ZNF385D: variants seen among roughly 807,000 people sequenced by gnomAD.
ZNF385D encodes zinc finger protein 385D.
ZNF385D carries 15 observed loss-of-function variants against 35.8 expected under a neutral mutation model. That is an observed-to-expected ratio of 0.42 (90% CI 0.28 to 0.64). ZNF385D has a LOEUF of 0.64. ZNF385D is among the 30% of genes least tolerant of loss of function. ZNF385D has a pLI of 0.23. For synonymous variants in ZNF385D, 212 were observed against 186.8 expected (o/e 1.13, Z -1.10); for missense variants, 474 against 494.6 (o/e 0.96, Z 0.39).
chr3:21,899,102 T>G (rs1361271311), intron 3 of ZNF385D, among the ~76,000 whole-genome samples: 1 of 152,096 alleles, frequency 6.6e-6, no homozygotes, highest in Non-Finnish European at 1.5e-5. Flanking sequence ...TTTCAATGCC[T>G]GGAGATATTC....
intron 3 of ZNF385D, among the ~76,000 whole-genome samples, chr3:22,004,699 C>T (rs553203146): frequency 9.9e-5 from 15 of 152,262 alleles, no homozygotes; most frequent in African/African-American, 3.4e-4. Context: ...AGTCATCCTT[C>T]TGCTCACTGA....
At chr3:22,347,537 T>G (rs761840175) in intron 2 of ZNF385D, among the ~76,000 whole-genome samples, 1 of 152,124 alleles carries the variant, frequency 6.6e-6, no homozygotes, top group Non-Finnish European at 1.5e-5. Context: ...CAATCAGACA[T>G]GTCAATAGAA....
At chr3:22,070,469 G>T (rs567678368) in intron 3 of ZNF385D, among the ~76,000 whole-genome samples, 8 of 152,104 alleles carry the variant, frequency 5.3e-5, no homozygotes, top group Non-Finnish European at 1.5e-5. Context: ...TTATAAGAGA[G>T]AGTTGAGTAC....
At chr3:22,258,222 G>C (rs1412887988) in intron 2 of ZNF385D, among the ~76,000 whole-genome samples, 1 of 151,722 alleles carries the variant, frequency 6.6e-6, no homozygotes, top group African/African-American at 2.4e-5. Context: ...GCAAGGACTG[G>C]AGTCTAATAC....
At chr3:21,693,795 C>G (rs1168921224) in intron 1 of ZNF385D, among the ~76,000 whole-genome samples, 1 of 151,248 alleles carries the variant, frequency 6.6e-6, no homozygotes, top group Non-Finnish European at 1.5e-5. Flanking sequence ...AATGATGTAT[C>G]ATTTAGCCAG....
intron 3 of ZNF385D, among the ~76,000 whole-genome samples, chr3:21,820,896 G>C (rs185327469): frequency 6.8e-6 from 1 of 147,930 alleles, no homozygotes; most frequent in East Asian, 2.0e-4. Context: ...AGTAAAGTTA[G>C]TTTTGTGATT....
At chr3:22,204,530 C>G (rs1697018606) in intron 2 of ZNF385D, among the ~76,000 whole-genome samples, 1 of 151,900 alleles carries the variant, frequency 6.6e-6, no homozygotes, top group Non-Finnish European at 1.5e-5. Flanking sequence ...CACAAGGGAC[C>G]AATCCCAGAG....
Position 22,287,799 on chromosome 3 carries a change from T to C in ZNF385D, c.106+84651A>G, listed in dbSNP as rs141780447. ...AAGGTTAACTTACACATTGCCATTA[T>C]AGTATTAGAATGTTTTAAATCTAAA... On this transcript the variant is annotated intron_variant, in intron 2 of 5. Coordinates refer to the ZNF385D transcript ENST00000494108. Among the ~76,000 whole-genome samples, 615 of 152,216 alleles carry C rather than the reference T, an allele frequency of 4.0e-3. 9 individuals carry two copies. The South Asian group carries it at 0.049, about 12-fold the overall frequency.
chr3:21,512,538 T>C (rs778376907), intron 3 of ZNF385D, among the ~76,000 whole-genome samples: 2 of 152,168 alleles, frequency 1.3e-5, no homozygotes, highest in African/African-American at 2.4e-5. Context: ...CAAGATATCC[T>C]CAAAGGACTA....
chr3:21,666,169 A>G (rs2066400868), intron 1 of ZNF385D, among the ~76,000 whole-genome samples: 1 of 152,236 alleles, frequency 6.6e-6, no homozygotes, highest in African/African-American at 2.4e-5. Flanking sequence ...GGCCAACTGC[A>G]CACAGAACAT....
rs376173765 is a variant in ZNF385D, at chr3:21,583,114, C to T, written c.166-18430G>A. ...ACATAGAAGCATATATACAATTTTT[C>T]GAAAAACACAAAATACAGTGCTGTT... On this transcript the variant is annotated intron_variant, in intron 2 of 7. Transcript: ENST00000281523. 5.5e-4 allele frequency among the ~76,000 whole-genome samples: 84 copies of T among 152,164 alleles called. 1 individual carries two copies. The South Asian group carries it at 0.016, about 29-fold the overall frequency.
At chr3:22,367,817 T>A (rs1331309328) in intron 2 of ZNF385D, among the ~76,000 whole-genome samples, 1 of 152,030 alleles carries the variant, frequency 6.6e-6, no homozygotes, top group African/African-American at 2.4e-5. Context: ...ACATATAAGA[T>A]AACAAAAAAA....
At chr3:22,056,916 A>G (rs1008898415) in intron 3 of ZNF385D, among the ~76,000 whole-genome samples, 7 of 152,194 alleles carry the variant, frequency 4.6e-5, no homozygotes, top group African/African-American at 1.4e-4. Context: ...ATGCAATCAT[A>G]AAGTCTCTAA....
At chr3:21,922,092 A>G (rs1272009969) in intron 3 of ZNF385D, among the ~76,000 whole-genome samples, 4 of 152,188 alleles carry the variant, frequency 2.6e-5, no homozygotes, top group African/African-American at 7.2e-5. Flanking sequence ...GGGGTGAAAG[A>G]TCTCTACAAG....
intron 4 of ZNF385D, among the ~76,000 whole-genome samples, chr3:21,490,319 C>T (rs1400740690): frequency 6.6e-6 from 1 of 152,096 alleles, no homozygotes; most frequent in South Asian, 2.1e-4. Flanking sequence ...GTGTGTGTCA[C>T]CACGTCTGGC....
At chr3:22,168,935 C>G in exon 3 of ZNF385D, 1 of 985,826 alleles carries the variant, frequency 1.0e-6, no homozygotes, top group Non-Finnish European at 1.2e-6. Flanking sequence ...ATACATTGCA[C>G]AAAGTAAAGT....
At chr3:21,664,252 T>A (rs2066333468) in intron 2 of ZNF385D, among the ~76,000 whole-genome samples, 1 of 151,876 alleles carries the variant, frequency 6.6e-6, no homozygotes, top group South Asian at 2.1e-4. Context: ...CAAAAAGACG[T>A]CTTAAAAGTG....
Position 21,417,474 on chromosome 3 carries a change from CTTCAA to C in ZNF385D, c.*3735_*3739del, listed in dbSNP as rs1241957310. 1 of 152,100 alleles carries C rather than the reference CTTCAA, an allele frequency of 6.6e-6. No homozygotes were observed. The highest frequency in any genetic ancestry group is 1.5e-5 in the Non-Finnish European group (1 of 67,988). 9.4% of individuals were successfully genotyped at this position (152,100 alleles called of 1,614,324 possible). A position where few individuals can be genotyped will look rare whatever the true frequency, so the allele number is the denominator to read the frequency against. On this transcript the variant is annotated 3_prime_UTR_variant, in exon 8 of 8. Transcript: ENST00000281523. ...TTATGTATAGAAAGGTAATTTTCTACTTCAATTCAGATCTAAAGAAACAGGCCTAT... is the reference window on the plus strand; with the variant it reads ...TTATGTATAGAAAGGTAATTTTCTACTTCAGATCTAAAGAAACAGGCCTAT...
chr3:22,014,920 A>T (rs1399291516), intron 3 of ZNF385D, among the ~76,000 whole-genome samples: 1 of 152,176 alleles, frequency 6.6e-6, no homozygotes, highest in Non-Finnish European at 1.5e-5. Flanking sequence ...GAAACTGATT[A>T]CAGTTTAAGG....
Sources: gnomAD v4.1 joint callset for allele counts (sites outside exome capture counted in the v4.1 genomes callset) on GRCh38, gnomAD v4.1.1 for gene constraint, MANE v1.5 for transcripts, NCBI Gene and HGNC (gene_info 2026-07-23, HGNC 2026-07-21) for gene names.